The following MAF variants were observed in gnomAD, a reference collection of about 807,000 sequenced individuals.
MAF encodes transcription factor Maf.
MAF carries 10 observed loss-of-function variants against 22.0 expected under a neutral mutation model. The ratio of observed to expected loss-of-function variants is 0.45; its 90% CI spans 0.28 to 0.77. The LOEUF is 0.77. MAF is among the 30% of genes least tolerant of loss of function. The pLI, the probability that MAF is intolerant of heterozygous loss-of-function variation, is 0.12. For synonymous variants in MAF, 337 were observed against 255.8 expected (o/e 1.32, Z -3.03); for missense variants, 544 against 548.4 (o/e 0.99, Z 0.08).
chr16:79,429,343 A>G, the MAF span, among the ~76,000 whole-genome samples: 1 of 152,292 alleles, frequency 6.6e-6, no homozygotes, highest in Non-Finnish European at 1.5e-5. Flanking sequence ...AAAGCAGAGG[A>G]CCGACGGAGG....
chr16:79,276,570 A>G, the MAF span, among the ~76,000 whole-genome samples: 1 of 152,288 alleles, frequency 6.6e-6, no homozygotes, highest in African/African-American at 2.4e-5. Flanking sequence ...TGAGATGGGT[A>G]TTGCAAGTGA....
At chr16:79,387,835 C>T in the MAF span, among the ~76,000 whole-genome samples, 9 of 152,242 alleles carry the variant, frequency 5.9e-5, no homozygotes, top group South Asian at 8.3e-4. Context: ...AACTTCATCA[C>T]GTGAGGATTC....
chr16:79,369,028 G>A, the MAF span, among the ~76,000 whole-genome samples: 1 of 152,200 alleles, frequency 6.6e-6, no homozygotes, highest in South Asian at 2.1e-4. Flanking sequence ...TTGTTCTTTG[G>A]TGGGTGGTCA....
the MAF span, among the ~76,000 whole-genome samples, chr16:79,374,377 A>G: frequency 2.0e-5 from 3 of 151,134 alleles, no homozygotes; most frequent in East Asian, 1.9e-4. Flanking sequence ...TTTCCTCCCA[A>G]CCTCTCTGCT....
chr16:79,573,258 A>C, the MAF span, among the ~76,000 whole-genome samples: 45,161 of 152,136 alleles, frequency 0.3, 7,347 homozygotes, highest in Non-Finnish European at 0.38. Flanking sequence ...TTTGCTCTGC[A>C]TAAGTTTTAA....
chr16:79,334,748 T>A, the MAF span, among the ~76,000 whole-genome samples: 1 of 152,214 alleles, frequency 6.6e-6, no homozygotes, highest in South Asian at 2.1e-4. Flanking sequence ...TAGTGCACTT[T>A]ATAGGAGTAA....
chr16:79,563,024 G>A, the MAF span, among the ~76,000 whole-genome samples: 28 of 152,122 alleles, frequency 1.8e-4, no homozygotes, highest in Admixed American at 1.6e-3. Flanking sequence ...CCATTCATCC[G>A]TTCAGCAAAT....
chr16:79,266,965 T>C, the MAF span, among the ~76,000 whole-genome samples: 1 of 152,206 alleles, frequency 6.6e-6, no homozygotes, highest in African/African-American at 2.4e-5. Flanking sequence ...AAGCACAGCA[T>C]GGAGCACATG....
At chr16:79,478,120 C>T in the MAF span, among the ~76,000 whole-genome samples, 2 of 152,180 alleles carry the variant, frequency 1.3e-5, no homozygotes, top group African/African-American at 2.4e-5. Flanking sequence ...CCCACAGCCT[C>T]CAGACTACTG....
At chr16:79,531,553 C>G in the MAF span, among the ~76,000 whole-genome samples, 1 of 152,102 alleles carries the variant, frequency 6.6e-6, no homozygotes, top group South Asian at 2.1e-4. Flanking sequence ...ATGGTCCCAT[C>G]TGGGGTTGAT....
At chr16:79,425,852 G>C in the MAF span, among the ~76,000 whole-genome samples, 1 of 152,116 alleles carries the variant, frequency 6.6e-6, no homozygotes, top group South Asian at 2.1e-4. Context: ...CTCATATGTG[G>C]TAGAATCAAG....
the MAF span, among the ~76,000 whole-genome samples, chr16:79,226,601 C>T: frequency 2.6e-5 from 4 of 151,932 alleles, no homozygotes; most frequent in African/African-American, 9.7e-5. Context: ...AGGGTATGAT[C>T]CCATTTTTGT....
chr16:79,208,551 A>C, the MAF span, among the ~76,000 whole-genome samples: 1 of 152,176 alleles, frequency 6.6e-6, no homozygotes, highest in Non-Finnish European at 1.5e-5. Context: ...TGGCTCTTTC[A>C]TCTTTTCTGC....
the MAF span, among the ~76,000 whole-genome samples, chr16:79,353,012 C>T: frequency 8.6e-5 from 13 of 151,684 alleles, no homozygotes; most frequent in Admixed American, 3.3e-4. Flanking sequence ...TCAAGGGCTG[C>T]GAGAGAGGGG....
At chr16:79,462,256 T>C in the MAF span, among the ~76,000 whole-genome samples, 1 of 152,174 alleles carries the variant, frequency 6.6e-6, no homozygotes, top group Admixed American at 6.5e-5. Flanking sequence ...TCCCACCAGT[T>C]CTATGAGGGA....
the MAF span, among the ~76,000 whole-genome samples, chr16:79,504,748 C>A: frequency 6.6e-6 from 1 of 152,134 alleles, no homozygotes; most frequent in Non-Finnish European, 1.5e-5. Flanking sequence ...TGTCTTCAAA[C>A]CTGGCAATCT....
At chr16:79,226,070 A>C in the MAF span, among the ~76,000 whole-genome samples, 1 of 152,224 alleles carries the variant, frequency 6.6e-6, no homozygotes, top group Non-Finnish European at 1.5e-5. Flanking sequence ...CTATAAAGAC[A>C]AATGCACACG....
chr16:79,253,591 G>C, the MAF span, among the ~76,000 whole-genome samples: 115 of 152,226 alleles, frequency 7.6e-4, no homozygotes, highest in Middle Eastern at 0.01. Context: ...GCATGCGGGA[G>C]GGTGGGGCGT....
the MAF span, among the ~76,000 whole-genome samples, chr16:79,511,271 G>C: frequency 6.6e-6 from 1 of 152,004 alleles, no homozygotes; most frequent in Non-Finnish European, 1.5e-5. Context: ...GAAAAGGAAA[G>C]AAAAGATCCC....
Sources: allele counts gnomAD v4.1 joint callset (sites outside exome capture counted in the v4.1 genomes callset), GRCh38; gene constraint gnomAD v4.1.1; transcripts MANE v1.5; gene names NCBI Gene and HGNC (gene_info 2026-07-23, HGNC 2026-07-21).